The following FAM177A1 variants were observed in gnomAD, a reference collection of about 807,000 sequenced individuals.
The protein encoded by FAM177A1 is family with sequence similarity 177 member A1.
A neutral mutation model predicts 26.1 loss-of-function variants in FAM177A1; 22 were observed. The ratio of observed to expected loss-of-function variants is 0.84; its 90% CI spans 0.60 to 1.20. The LOEUF is 1.20. FAM177A1 is among the 50% of genes most tolerant of loss of function. The probability of loss-of-function intolerance (pLI) is 0.00; values close to 1 mark genes in which losing one functional copy is unlikely to be tolerated. For missense variants in FAM177A1, 296 were observed against 291.1 expected (o/e 1.02, Z -0.12); for synonymous variants, 95 against 99.3 (o/e 0.96, Z 0.26).
chr14:35,065,739 T>TGGGTGCA (rs1309999344), intron 2 of FAM177A1, among the ~76,000 whole-genome samples: 2 of 148,548 alleles, frequency 1.3e-5, no homozygotes, highest in African/African-American at 5.0e-5. Context: ...TCGCTCAGGC[T>TGGGTGCA]GGAGTGCAGT....
At chr14:35,048,104 A>G (rs570237972) in intron 1 of FAM177A1, among the ~76,000 whole-genome samples, 9 of 152,128 alleles carry the variant, frequency 5.9e-5, no homozygotes, top group Non-Finnish European at 1.3e-4. Context: ...TAAGAAGGGG[A>G]TTCAGGGGAC....
chr14:35,072,785 T>G (rs186565843), intron 2 of FAM177A1, among the ~76,000 whole-genome samples: 1 of 152,176 alleles, frequency 6.6e-6, no homozygotes, highest in South Asian at 2.1e-4. Context: ...TTAATATCTC[T>G]GGTGTTGTGT....
In FAM177A1 at chr14:35,082,629, G is replaced by GGTGAGGAAGAATGTGT. The variant is rs1165041777; in HGVS notation, c.*1403_*1418dup. ...TAACATTGATTTATAATTAAATGTGGGTGAGGAAGAATGTGTGGAGTGTTT... is the reference window on the plus strand; with the variant it reads ...TAACATTGATTTATAATTAAATGTGGGTGAGGAAGAATGTGTGTGAGGAAGAATGTGTGGAGTGTTT... On this transcript the variant is annotated 3_prime_UTR_variant, in exon 5 of 5. Coordinates refer to ENST00000280987, the MANE Select transcript of FAM177A1 (RefSeq NM_173607.5). 1.4e-3 allele frequency: 206 copies of GGTGAGGAAGAATGTGT among 152,146 alleles called. No individual in the cohort carries two copies. Among genetic ancestry groups the GGTGAGGAAGAATGTGT allele is most frequent in the African/African-American group, 4.7e-3 (196 of 41,520 alleles). The allele number at this position is 152,146 out of a possible 1,614,324, so 9.4% of individuals were successfully genotyped here.
rs192601343 is a variant in FAM177A1 at position 35,074,412 on chromosome 14, G to A, written c.340-2738G>A. Among the ~76,000 whole-genome samples the A allele has an allele frequency of 2.1e-3, 318 of 152,152 alleles. 1 individual carries two copies. The highest frequency in any genetic ancestry group is 3.4e-3 in the Non-Finnish European group (233 of 68,000). The stretch of plus-strand genomic sequence containing the variant: ...TCAATCTCGGCTCACTGCAACCTCC[G>A]CCTCCCAGATTCAAGCGATTCTCCT... On this transcript the variant is annotated intron_variant, in intron 2 of 4. Transcript: ENST00000280987.
intron 4 of FAM177A1, 93 bp downstream of exon 4, chr14:35,079,117 AC>A (rs2045441327): frequency 1.2e-6 from 1 of 814,554 alleles, no homozygotes; most frequent in Non-Finnish European, 1.9e-6. Flanking sequence ...TAACTGCCCA[AC>A]ATGTAGCTCT....
At chr14:35,064,456 G>GT (rs2045208967) in intron 2 of FAM177A1, among the ~76,000 whole-genome samples, 1 of 152,024 alleles carries the variant, frequency 6.6e-6, no homozygotes, top group African/African-American at 2.4e-5. Context: ...CTGTCAGTTG[G>GT]TAGCTTTATG....
At position 35,047,168 on chromosome 14, in the gene FAM177A1, G is replaced by GA. The variant is rs573266651; in HGVS notation, c.165+544dup. 527 of 270,568 alleles carry GA rather than the reference G, an allele frequency of 1.9e-3. 4 individuals carry two copies. Among genetic ancestry groups the GA allele is most frequent in the African/African-American group, 0.012 (508 of 43,946 alleles). 16.8% of individuals were successfully genotyped at this position (270,568 alleles called of 1,614,324 possible). On this transcript the variant is annotated intron_variant, in intron 1 of 4. Coordinates refer to ENST00000280987, the MANE Select transcript of FAM177A1 (RefSeq NM_173607.5). The stretch of plus-strand genomic sequence containing the variant: ...ACATAAATAGAATGCAAGCTGCATT[G>GA]AAAATTGTAATTTAAAATTTTCCAG...
At chr14:35,046,130 G>A (rs2044855395), upstream of FAM177A1, 1 of 202,916 alleles carries the variant, frequency 4.9e-6, no homozygotes. Context: ...CCAGGCTTCA[G>A]GTACACGTAC....
At chr14:35,064,215 C>T (rs758590545) in intron 2 of FAM177A1, among the ~76,000 whole-genome samples, 2 of 151,704 alleles carry the variant, frequency 1.3e-5, no homozygotes, top group Non-Finnish European at 2.9e-5. Flanking sequence ...GGGGAAACCT[C>T]GTCTCTACTA....
chr14:35,070,473 G>A (rs1168947405), intron 2 of FAM177A1, among the ~76,000 whole-genome samples: 1 of 152,076 alleles, frequency 6.6e-6, no homozygotes, highest in Non-Finnish European at 1.5e-5. Context: ...GGGACTACAG[G>A]TGCATGCTAC....
chr14:35,049,824 C>A (rs569050711), intron 1 of FAM177A1, among the ~76,000 whole-genome samples: 1 of 152,216 alleles, frequency 6.6e-6, no homozygotes, highest in Non-Finnish European at 1.5e-5. Flanking sequence ...AAGATAAGCA[C>A]ATTTATAGTT....
chr14:35,053,123 C>A, intron 1 of FAM177A1, 155 bp from the exon 2 acceptor site: 1 of 642,906 alleles, frequency 1.6e-6, no homozygotes, highest in Non-Finnish European at 2.6e-6. Context: ...TGTACTCCAG[C>A]CTGAGCAATA....
At chr14:35,053,555 A>G in intron 2 of FAM177A1, 104 bp downstream of exon 2, 2 of 944,512 alleles carry the variant, frequency 2.1e-6, no homozygotes, top group Non-Finnish European at 3.3e-6. Context: ...TAAATCAACT[A>G]TATTCTTATT....
At chr14:35,055,733 G>C (rs1181955114) in intron 2 of FAM177A1, among the ~76,000 whole-genome samples, 1 of 151,928 alleles carries the variant, frequency 6.6e-6, no homozygotes. Context: ...TCTATGTTTA[G>C]ATGTCTGGGG....
At chr14:35,075,254 G>A (rs1206810246) in intron 2 of FAM177A1, among the ~76,000 whole-genome samples, 2 of 152,144 alleles carry the variant, frequency 1.3e-5, no homozygotes, top group Non-Finnish European at 1.5e-5. Context: ...ATTGCATTCT[G>A]CCAGTGGCCC....
chr14:35,075,472 G>A (rs1320448562), intron 2 of FAM177A1, among the ~76,000 whole-genome samples: 1 of 152,128 alleles, frequency 6.6e-6, no homozygotes, highest in Admixed American at 6.6e-5. Flanking sequence ...AGACTTAAAT[G>A]TTAGACCTAA....
intron 2 of FAM177A1, among the ~76,000 whole-genome samples, chr14:35,054,137 C>A (rs2045022710): frequency 6.6e-6 from 1 of 152,084 alleles, no homozygotes. Context: ...ATGGCATGAA[C>A]CCGGGAGGCA....
At position 35,072,088 on chromosome 14, in the gene FAM177A1, A is replaced by C. The variant is rs369228642; in HGVS notation, c.340-5062A>C. On this transcript the variant is annotated intron_variant, in intron 2 of 4. Transcript: ENST00000280987. Reference sequence around the variant, plus strand: ...TCAGGAGTTTGAGACCAGCCTGGCCAATATAGTGAAACCCCATCTCTACTA... The same window carrying C: ...TCAGGAGTTTGAGACCAGCCTGGCCCATATAGTGAAACCCCATCTCTACTA... 3.9e-5 allele frequency among the ~76,000 whole-genome samples: 6 copies of C among 152,242 alleles called. No homozygotes were observed. The East Asian group carries it at 1.2e-3, about 29-fold the overall frequency.
intron 2 of FAM177A1, among the ~76,000 whole-genome samples, chr14:35,061,198 T>A (rs2138541904): frequency 6.6e-6 from 1 of 152,288 alleles, no homozygotes; most frequent in East Asian, 1.9e-4. Context: ...TCCAGTGTTT[T>A]TGAGAACACC....
Sources: gnomAD v4.1 joint callset for allele counts (sites outside exome capture counted in the v4.1 genomes callset) on GRCh38, gnomAD v4.1.1 for gene constraint, MANE v1.5 for transcripts, NCBI Gene and HGNC (gene_info 2026-07-23, HGNC 2026-07-21) for gene names.